Variants in NBPF11 observed in about 807,000 individuals in gnomAD.
NBPF11 encodes the protein NBPF family member NBPF11.
In NBPF11, 72 loss-of-function variants were observed where a neutral mutation model predicts 93.9. That is an observed-to-expected ratio of 0.77 (90% CI 0.63 to 0.93). NBPF11 has a LOEUF of 0.93. Ranked by LOEUF, NBPF11 falls within the 40% of genes least tolerant of loss-of-function variation. NBPF11 has a pLI of 0.00. For synonymous variants in NBPF11, 224 were observed against 304.9 expected, an observed-to-expected ratio of 0.73 and a Z score of 2.76; for missense variants, 705 against 802.2, an observed-to-expected ratio of 0.88 and a Z score of 1.46.
intron 2 of NBPF11, among the ~76,000 whole-genome samples, chr1:148,142,496 C>G (rs1672354622): frequency 6.6e-6 from 1 of 151,026 alleles, no homozygotes; most frequent in African/African-American, 2.4e-5. Flanking sequence ...CAGAAGCTGC[C>G]CGGCTGCAGG....
chr1:148,122,661 G>A lies in NBPF11; in HGVS notation c.566+68C>T, dbSNP rs1439404111. 255 of 1,593,608 alleles carry A rather than the reference G, an allele frequency of 1.6e-4. 2 individuals are homozygous for A. The East Asian group carries it at 5.3e-3, about 33-fold the overall frequency. The stretch of plus-strand genomic sequence containing the variant: ...CTTTTGGCCCATCATAGATGCCAGA[G>A]AGGGCGTGCCTCCTAGACATTTTCA... On this transcript the variant is annotated intron_variant, in intron 8 of 23. Transcript: ENST00000682118.
chr1:148,118,421 G>T (rs1174097427), intron 11 of NBPF11, among the ~76,000 whole-genome samples, 199 bp downstream of exon 11: 3 of 151,102 alleles, frequency 2.0e-5, no homozygotes, highest in Admixed American at 6.6e-5. Context: ...AGAAAACAAG[G>T]CTCTGAGAAA....
intron 2 of NBPF11, among the ~76,000 whole-genome samples, chr1:148,138,773 G>T (rs1671742697): frequency 6.6e-6 from 1 of 151,788 alleles, no homozygotes; most frequent in Admixed American, 6.6e-5. Flanking sequence ...CACAGACACA[G>T]TAACAATCTG....
intron 2 of NBPF11, among the ~76,000 whole-genome samples, chr1:148,143,158 C>T (rs1158909948): frequency 6.6e-6 from 1 of 151,924 alleles, no homozygotes; most frequent in Non-Finnish European, 1.5e-5. Flanking sequence ...ATCTAGCTAC[C>T]AAGGAAAAGT....
rs1280379053 is a variant in NBPF11 at position 148,102,273 on chromosome 1, A to G, written c.*1623T>C. On this transcript the variant is annotated 3_prime_UTR_variant, in exon 24 of 24. Coordinates refer to ENST00000682118, the MANE Select transcript of NBPF11 (RefSeq NM_001385469.3). ...CACTAGTAAAAACAAAGGCACAGTA[A>G]AAATTGAGACCCAAAATTTGCAGCG... 6 of 151,920 alleles carry G rather than the reference A, an allele frequency of 3.9e-5. No individual in the cohort carries two copies. Among genetic ancestry groups the G allele is most frequent in the African/African-American group, 1.2e-4 (5 of 41,162 alleles). 9.4% of individuals were successfully genotyped at this position (151,920 alleles called of 1,614,324 possible).
rs1672956427 is a variant in NBPF11 at position 148,146,070 on chromosome 1, A to AG, written c.-548-2385dup. On this transcript the variant is annotated intron_variant, in intron 1 of 23. Transcript: ENST00000682118. ...AAACTGGATAAAAAGATTTAGGGGC[A>AG]GGGGTGCGGAGGGACCGACGGACGC... Among the ~76,000 whole-genome samples, 4 of 151,978 alleles carry AG rather than the reference A, an allele frequency of 2.6e-5. No individual in the cohort carries two copies. In the South Asian group the frequency reaches 8.3e-4, roughly 32 times the overall value.
intron 4 of NBPF11, chr1:148,127,287 G>A (rs1669325947): frequency 4.6e-5 from 7 of 151,626 alleles, no homozygotes; most frequent in East Asian, 2.8e-4. Context: ...CCAGGTAACC[G>A]TCTGCAGTTG....
At chr1:148,138,963 C>T (rs1200926075) in intron 2 of NBPF11, among the ~76,000 whole-genome samples, 34 of 151,134 alleles carry the variant, frequency 2.2e-4, no homozygotes, top group East Asian at 5.8e-4. Flanking sequence ...TGGTGGCAGG[C>T]GCCTGTAATC....
intron 11 of NBPF11, among the ~76,000 whole-genome samples, chr1:148,118,172 T>G (rs1251032450): frequency 1.6e-4 from 23 of 145,764 alleles, no homozygotes; most frequent in Admixed American, 4.1e-4. Context: ...TGAGGCCAGA[T>G]GCAGATAGGG....
intron 1 of NBPF11, among the ~76,000 whole-genome samples, chr1:148,144,199 G>T (rs1672633951): frequency 6.8e-6 from 1 of 146,876 alleles, no homozygotes; most frequent in African/African-American, 2.6e-5. Flanking sequence ...TCATCTACTG[G>T]TCTATCTGGT....
rs1662828213 is a variant in NBPF11 at position 148,103,736 on chromosome 1, C to T, written c.*160G>A. The T allele has an allele frequency of 6.2e-7, 1 of 1,611,610 alleles. No homozygotes were observed. Among genetic ancestry groups the T allele is most frequent in the African/African-American group, 1.3e-5 (1 of 74,888 alleles). On this transcript the variant is annotated 3_prime_UTR_variant, in exon 24 of 24. Transcript: ENST00000682118. ...ACTTCTCACCGTCAAAGTAAAAAAC[C>T]TATTGTCCATGTCAAGGGCAAAGCT...
intron 1 of NBPF11, chr1:148,149,561 G>T (rs1443798535): frequency 1.3e-6 from 2 of 1,593,968 alleles, no homozygotes; most frequent in Non-Finnish European, 1.7e-6. Flanking sequence ...CAGCCAGCGC[G>T]CCTAGCGGCG....
At chr1:148,142,026 A>AAGGAAGGG (rs1672257137) in intron 2 of NBPF11, among the ~76,000 whole-genome samples, 4 of 134,888 alleles carry the variant, frequency 3.0e-5, no homozygotes, top group Non-Finnish European at 4.7e-5. Context: ...GGAAGGAAGG[A>AAGGAAGGG]AGGGAGGGAG....
intron 12 of NBPF11, among the ~76,000 whole-genome samples, chr1:148,117,056 C>T (rs2149215553): frequency 6.6e-6 from 1 of 152,178 alleles, no homozygotes; most frequent in East Asian, 1.9e-4. Flanking sequence ...CATCAAGTGC[C>T]TTCTCCAACA....
intron 4 of NBPF11, among the ~76,000 whole-genome samples, chr1:148,132,133 T>TGC (rs1491370147): frequency 2.0e-5 from 2 of 97,604 alleles, no homozygotes; most frequent in Admixed American, 2.6e-4. Context: ...AATATATATA[T>TGC]GTGTGTGTGT....
At chr1:148,131,285 A>C (rs1670294620) in intron 4 of NBPF11, among the ~76,000 whole-genome samples, 1 of 151,528 alleles carries the variant, frequency 6.6e-6, no homozygotes, top group South Asian at 2.1e-4. Flanking sequence ...AGGCATTCTT[A>C]ACAGGAGCCA....
chr1:148,103,969 C>T, intron 23 of NBPF11, 57 bp from the exon 24 acceptor site: 6 of 1,609,712 alleles, frequency 3.7e-6, no homozygotes, highest in South Asian at 2.2e-5. Flanking sequence ...ACCACAGAGC[C>T]CCACTAGATT....
rs1461387307 is a variant in NBPF11, at chr1:148,125,836, G to T, written c.176-835C>A. Among the ~76,000 whole-genome samples the T allele has an allele frequency of 2.3e-4, 35 of 152,018 alleles. No homozygotes were observed. In the East Asian group the frequency reaches 6.2e-3, roughly 27 times the overall value. On this transcript the variant is annotated intron_variant, in intron 5 of 23. Transcript: ENST00000682118. ...GACAAGCAACATGGATGGAGCCCAG[G>T]AGACAGGCTGAGGGTCCCTGCTTTG...
rs1280188605 is a variant in NBPF11, at chr1:148,149,893, T to C, written c.-549+1857A>G. ...CAGGAAAATGGAAGTTGAAACCGCATTGATATATTACTGCACCTCTACGAG... is the reference window on the plus strand; with the variant it reads ...CAGGAAAATGGAAGTTGAAACCGCACTGATATATTACTGCACCTCTACGAG... On this transcript the variant is annotated intron_variant, in intron 1 of 23. Transcript: ENST00000682118. Among the ~76,000 whole-genome samples the C allele has an allele frequency of 2.8e-4, 43 of 151,646 alleles. No individual in the cohort carries two copies. The East Asian group carries it at 7.9e-3, about 28-fold the overall frequency.
Sources: gnomAD v4.1 joint callset for allele counts (sites outside exome capture counted in the v4.1 genomes callset) on GRCh38, gnomAD v4.1.1 for gene constraint, MANE v1.5 for transcripts, NCBI Gene and HGNC (gene_info 2026-07-23, HGNC 2026-07-21) for gene names.